The following LMAN1 variants were observed in gnomAD, a reference collection of about 807,000 sequenced individuals.
LMAN1 encodes the protein protein ERGIC-53.
In LMAN1, 32 loss-of-function variants were observed where a neutral mutation model predicts 67.8. The ratio of observed to expected loss-of-function variants is 0.47; its 90% CI spans 0.36 to 0.63. The LOEUF (loss-of-function observed/expected upper bound fraction) is 0.63, where lower values mean the gene tolerates loss of function less well. LMAN1 is among the 30% of genes least tolerant of loss of function. LMAN1 has a pLI of 0.00. For missense variants in LMAN1, 632 were observed against 628.2 expected, an observed-to-expected ratio of 1.01 and a Z score of -0.06; for synonymous variants, 235 against 219.3, an observed-to-expected ratio of 1.07 and a Z score of -0.63.
At chr18:59,335,540 T>C (rs1908125845) in intron 10 of LMAN1, among the ~76,000 whole-genome samples, 1 of 151,492 alleles carries the variant, frequency 6.6e-6, no homozygotes, top group African/African-American at 2.4e-5. Context: ...CAAGAGGGAA[T>C]GGGTGGGAAA....
chr18:59,333,055 GATTATA>G (rs1300389568), intron 11 of LMAN1, 30 bp downstream of exon 11: 3 of 1,550,560 alleles, frequency 1.9e-6, no homozygotes, highest in East Asian at 2.2e-5. Context: ...CTTTCCTAAA[GATTATA>G]ATTATAAAAG....
At chr18:59,335,506 C>A (rs1392937120) in intron 10 of LMAN1, among the ~76,000 whole-genome samples, 1 of 150,904 alleles carries the variant, frequency 6.6e-6, no homozygotes, top group Non-Finnish European at 1.5e-5. Flanking sequence ...GAAGAACAAA[C>A]CGGAAGCTAA....
intron 10 of LMAN1, chr18:59,333,561 T>C (rs1180217622): frequency 3.4e-6 from 1 of 294,684 alleles, no homozygotes; most frequent in Non-Finnish European, 6.5e-6. Context: ...TTATAATAAA[T>C]CTTTCTAGGT....
chr18:59,343,560 C>T (rs760310091), intron 8 of LMAN1, among the ~76,000 whole-genome samples: 5 of 152,070 alleles, frequency 3.3e-5, no homozygotes, highest in Non-Finnish European at 7.4e-5. Flanking sequence ...AAAGGACATC[C>T]TATTCAATAA....
chr18:59,356,412 C>T (rs1307528038), intron 1 of LMAN1, among the ~76,000 whole-genome samples: 5 of 152,174 alleles, frequency 3.3e-5, no homozygotes, highest in Non-Finnish European at 7.3e-5. Context: ...TAAGTGCCTA[C>T]ACAAGTAGCT....
intron 4 of LMAN1, among the ~76,000 whole-genome samples, chr18:59,354,081 G>C (rs1908605126): frequency 6.6e-6 from 1 of 152,114 alleles, no homozygotes; most frequent in Non-Finnish European, 1.5e-5. Flanking sequence ...TGAACACTTA[G>C]AATCTCTGCA....
chr18:59,349,054 A>G, intron 6 of LMAN1, 59 bp downstream of exon 6: 1 of 1,594,794 alleles, frequency 6.3e-7, no homozygotes, highest in Admixed American at 1.7e-5. Flanking sequence ...TCCCTAATAT[A>G]CTATTCCCAA....
intron 5 of LMAN1, 170 bp downstream of exon 5, chr18:59,353,032 G>A (rs1908579273): frequency 1.6e-6 from 1 of 635,836 alleles, no homozygotes; most frequent in South Asian, 1.6e-5. Flanking sequence ...GTTTACAACA[G>A]ATGACCACTT....
chr18:59,350,936 T>C (rs772788035), intron 5 of LMAN1, among the ~76,000 whole-genome samples: 3 of 152,200 alleles, frequency 2.0e-5, no homozygotes, highest in Non-Finnish European at 4.4e-5. Flanking sequence ...ACCTTCCTTA[T>C]TCACCTTATG....
rs41522249 is a variant in LMAN1 at position 59,343,960 on chromosome 18, C to T, written c.955+1959G>A. On this transcript the variant is annotated intron_variant, in intron 8 of 12. Transcript: ENST00000251047. ...ACAACTCAAGAGAAAAACAAAAAGC[C>T]CATTAAAAAACTGGGCAAAGAGCAT... Among the ~76,000 whole-genome samples, 610 of 151,954 alleles carry T rather than the reference C, an allele frequency of 4.0e-3. 4 individuals are homozygous for T. The highest frequency in any genetic ancestry group is 6.8e-3 in the Middle Eastern group (2 of 294).
chr18:59,328,308 A>C lies in LMAN1; in HGVS notation c.*2785T>G, dbSNP rs1340593044. 2.0e-5 allele frequency: 3 copies of C among 152,326 alleles called. No homozygotes were observed. Among genetic ancestry groups the C allele is most frequent in the Middle Eastern group, 3.4e-3 (1 of 294 alleles). 9.4% of individuals were successfully genotyped at this position (152,326 alleles called of 1,614,324 possible). Reference sequence around the variant, plus strand: ...GGAAGGCAAAGAAGCTTTAGCAGGCAGGCTTGAAGATGGGAGTTTTCATGG... The same window carrying C: ...GGAAGGCAAAGAAGCTTTAGCAGGCCGGCTTGAAGATGGGAGTTTTCATGG... On this transcript the variant is annotated 3_prime_UTR_variant, in exon 13 of 13. Transcript: ENST00000251047.
rs530532622 is a variant in LMAN1, at chr18:59,336,973, A to G, written c.1220+1584T>C. On this transcript the variant is annotated intron_variant, in intron 10 of 12. Transcript: ENST00000251047. ...CACTTTCTTGTTACAGGCAAGAAACATCAATGGATGCTAAAATGAATGAGC... is the reference window on the plus strand; with the variant it reads ...CACTTTCTTGTTACAGGCAAGAAACGTCAATGGATGCTAAAATGAATGAGC... 7.9e-5 allele frequency among the ~76,000 whole-genome samples: 12 copies of G among 151,968 alleles called. No homozygotes were observed. The South Asian group carries it at 1.5e-3, about 18-fold the overall frequency.
At chr18:59,331,228 G>T in intron 12 of LMAN1, 99 bp from the exon 13 acceptor site, 1 of 1,113,814 alleles carries the variant, frequency 9.0e-7, no homozygotes, top group Non-Finnish European at 1.4e-6. Context: ...GCCTTTTGAA[G>T]TATACAACGC....
At chr18:59,345,417 T>C (rs1406474666) in intron 8 of LMAN1, among the ~76,000 whole-genome samples, 1 of 152,182 alleles carries the variant, frequency 6.6e-6, no homozygotes, top group Non-Finnish European at 1.5e-5. Flanking sequence ...TATCGAGTAG[T>C]ATGGGGAGGA....
chr18:59,352,359 A>G (rs773841967), intron 5 of LMAN1, among the ~76,000 whole-genome samples: 4 of 152,226 alleles, frequency 2.6e-5, no homozygotes, highest in African/African-American at 4.8e-5. Flanking sequence ...GAAAACTGGT[A>G]CTAAGAATAC....
Position 59,346,060 on chromosome 18 carries a change from T to C in LMAN1, c.823-9A>G. 6.3e-7 allele frequency: 1 copy of C among 1,598,378 alleles called. No homozygotes were observed. The highest frequency in any genetic ancestry group is 8.5e-7 in the Non-Finnish European group (1 of 1,170,394). ...TCTTTATCTGGTGTGGGCTTTTTTT[T>C]GGAGTTTTGGAATAGATCATTAAAA... is the stretch of plus-strand genomic sequence containing the variant. On this transcript the variant is annotated splice_polypyrimidine_tract_variant and intron_variant, in intron 7 of 12. Transcript: ENST00000251047.
chr18:59,346,046 T>C lies in LMAN1; in HGVS notation c.828A>G (p.Thr276=). The part of the protein sequence containing the change: ...QLTEPGKEPP[T]PDKEISEKEK... ...CCTTTTCCGAAATTTCTTTATCTGG[T>C]GTGGGCTTTTTTTTGGAGTTTTGGA... The change falls in exon 8 of 13, where the codon ACA becomes ACG. Residue 276 remains threonine (T), a synonymous_variant. Transcript: ENST00000251047. The C allele has an allele frequency of 6.2e-7, 1 of 1,609,100 alleles. No homozygotes were observed. The highest frequency in any genetic ancestry group is 1.3e-5 in the African/African-American group (1 of 74,542).
chr18:59,346,929 G>C (rs1603395340), intron 7 of LMAN1, among the ~76,000 whole-genome samples: 1 of 151,904 alleles, frequency 6.6e-6, no homozygotes, highest in East Asian at 1.9e-4. Flanking sequence ...TTCTGTTTTA[G>C]CAATTAAGAA....
At chr18:59,357,627 T>G (rs1908689178) in intron 1 of LMAN1, among the ~76,000 whole-genome samples, 1 of 152,208 alleles carries the variant, frequency 6.6e-6, no homozygotes. Context: ...AACTGCACTC[T>G]ACTTCAACTA....
Sources: allele counts gnomAD v4.1 joint callset (sites outside exome capture counted in the v4.1 genomes callset), GRCh38; gene constraint gnomAD v4.1.1; transcripts MANE v1.5; gene names NCBI Gene and HGNC (gene_info 2026-07-23, HGNC 2026-07-21).